Variants in MTCH2 observed in about 807,000 individuals in gnomAD.
MTCH2 encodes mitochondrial carrier 2, also known as mitochondrial carrier homolog 2.
A neutral mutation model predicts 50.6 loss-of-function variants in MTCH2; 25 were observed. The ratio of observed to expected loss-of-function variants is 0.49; its 90% confidence interval spans 0.36 to 0.69. The LOEUF is 0.69. Among genes scored for constraint, MTCH2 ranks in the 30% least tolerant of loss-of-function variants. The pLI is 0.00. For missense variants in MTCH2, 273 were observed against 384.4 expected (o/e 0.71, Z 2.42); for synonymous variants, 106 against 132.0 (o/e 0.80, Z 1.35).
chr11:47,630,455 G>T, intron 8 of MTCH2, 100 bp downstream of exon 8: 2 of 1,064,524 alleles, frequency 1.9e-6, no homozygotes, highest in Non-Finnish European at 1.5e-6. Context: ...AGCCCAGGGA[G>T]TACGTTTTCC....
At chr11:47,622,842 A>G in intron 11 of MTCH2, 66 bp from the exon 12 acceptor site, 3 of 1,114,194 alleles carry the variant, frequency 2.7e-6, no homozygotes, top group Non-Finnish European at 3.9e-6. Flanking sequence ...ACGTTGATAA[A>G]CCTTGTCAAA....
At chr11:47,622,862 T>C in intron 11 of MTCH2, 86 bp from the exon 12 acceptor site, 1 of 865,386 alleles carries the variant, frequency 1.2e-6, no homozygotes, top group Non-Finnish European at 1.8e-6. Flanking sequence ...AATATTCTGC[T>C]GCACAGAAGA....
At position 47,617,982 on chromosome 11, in the gene MTCH2, T is replaced by TA. The variant is rs1350554806; in HGVS notation, c.*850dup. On this transcript the variant is annotated 3_prime_UTR_variant, in exon 13 of 13. Transcript: ENST00000302503. ...TATATATAATTAGAACTGTATGGTGTAATTTAAGCACTGGCAAATACTTGG... is the reference window on the plus strand; with the variant it reads ...TATATATAATTAGAACTGTATGGTGTAAATTTAAGCACTGGCAAATACTTGG... 2.0e-5 allele frequency: 3 copies of TA among 152,228 alleles called. No homozygotes were observed. Among genetic ancestry groups the TA allele is most frequent in the Non-Finnish European group, 2.9e-5 (2 of 68,048 alleles). 9.4% of individuals were successfully genotyped at this position (152,228 alleles called of 1,614,324 possible).
chr11:47,633,522 ATATATTTTTTT>A (rs1236451608), intron 5 of MTCH2, among the ~76,000 whole-genome samples: 179 of 26,518 alleles, frequency 6.8e-3, no homozygotes, highest in African/African-American at 0.017. Flanking sequence ...ATATATATAT[ATATATTTTTTT>A]TTTTTTTTTT....
downstream of MTCH2, among the ~76,000 whole-genome samples, chr11:47,613,985 G>A (rs1292079913): frequency 1.3e-5 from 2 of 152,068 alleles, no homozygotes; most frequent in Admixed American, 6.6e-5. Flanking sequence ...ACTTGGGAGA[G>A]TGAGAAACGA....
chr11:47,616,658 T>G (rs1028366306), downstream of MTCH2, among the ~76,000 whole-genome samples: 1 of 151,724 alleles, frequency 6.6e-6, no homozygotes, highest in Non-Finnish European at 1.5e-5. Context: ...GTTCATTATT[T>G]CTTGCATGTG....
the MTCH2 span, among the ~76,000 whole-genome samples, chr11:47,604,965 C>T: frequency 4.6e-5 from 7 of 151,776 alleles, no homozygotes; most frequent in Non-Finnish European, 8.8e-5. Flanking sequence ...GAGTCTTGCT[C>T]TATCTCCCAG....
At chr11:47,623,483 T>C (rs1422216885) in intron 11 of MTCH2, among the ~76,000 whole-genome samples, 1 of 151,998 alleles carries the variant, frequency 6.6e-6, no homozygotes, top group Non-Finnish European at 1.5e-5. Context: ...ATATATATGT[T>C]CCTACTTAGG....
chr11:47,625,862 G>T, intron 10 of MTCH2, 121 bp from the exon 11 acceptor site: 1 of 666,366 alleles, frequency 1.5e-6, no homozygotes. Context: ...TCGCTTCATC[G>T]GTACCCTGGA....
intron 1 of MTCH2, among the ~76,000 whole-genome samples, chr11:47,641,939 TC>T (rs2097314551): frequency 6.6e-6 from 1 of 152,188 alleles, no homozygotes; most frequent in Non-Finnish European, 1.5e-5. Context: ...AAATGTTGGT[TC>T]CCACCTAACT....
At chr11:47,621,312 C>G (rs561719222) in intron 12 of MTCH2, among the ~76,000 whole-genome samples, 1 of 152,152 alleles carries the variant, frequency 6.6e-6, no homozygotes, top group Non-Finnish European at 1.5e-5. Context: ...CTTCTTTATA[C>G]GCTTTCTTCT....
intron 12 of MTCH2, among the ~76,000 whole-genome samples, chr11:47,622,494 G>A (rs1297159999): frequency 3.3e-5 from 5 of 152,112 alleles, no homozygotes; most frequent in Non-Finnish European, 7.3e-5. Context: ...CATTACTCCT[G>A]CTCATGATTT....
intron 4 of MTCH2, 37 bp from the exon 5 acceptor site, chr11:47,634,771 T>TC (rs2097306957): frequency 1.2e-6 from 1 of 849,118 alleles, no homozygotes; most frequent in Admixed American, 3.7e-5. Flanking sequence ...AGATCTTGAT[T>TC]TTTTTTTTTT....
chr11:47,634,104 C>G (rs910162448), intron 5 of MTCH2, among the ~76,000 whole-genome samples: 1 of 152,138 alleles, frequency 6.6e-6, no homozygotes, highest in African/African-American at 2.4e-5. Context: ...AAGACAAGGT[C>G]TTGCTCTATC....
chr11:47,636,565 C>T (rs2153800701), intron 3 of MTCH2, among the ~76,000 whole-genome samples: 1 of 151,962 alleles, frequency 6.6e-6, no homozygotes, highest in African/African-American at 2.4e-5. Flanking sequence ...AACCCCCTCT[C>T]TACTAAAAAT....
intron 5 of MTCH2, among the ~76,000 whole-genome samples, chr11:47,633,857 T>C (rs1261388672): frequency 6.6e-6 from 1 of 151,960 alleles, no homozygotes; most frequent in Non-Finnish European, 1.5e-5. Context: ...GTATTTTGGA[T>C]GGCTGCATTT....
At chr11:47,635,613 G>C (rs1447973925) in intron 3 of MTCH2, 42 bp from the exon 4 acceptor site, 1 of 1,566,690 alleles carries the variant, frequency 6.4e-7, no homozygotes, top group South Asian at 1.1e-5. Flanking sequence ...TTATTACAGT[G>C]TCATGTGAAA....
At chr11:47,641,748 C>A (rs1031733430) in intron 1 of MTCH2, among the ~76,000 whole-genome samples, 3 of 152,150 alleles carry the variant, frequency 2.0e-5, no homozygotes, top group African/African-American at 7.2e-5. Flanking sequence ...TTGTCAGGAG[C>A]CACATGGGCC....
Position 47,617,520 on chromosome 11 carries a change from C to T in MTCH2, c.*1313G>A, listed in dbSNP as rs2097289253. On this transcript the variant is annotated 3_prime_UTR_variant, in exon 13 of 13. Transcript: ENST00000302503. ...CCTAAACCCCAGGGGAGGGAAGAGA[C>T]CCCTGCATTCTCGTTCTGTCTAATA... 6.6e-6 allele frequency: 1 copy of T among 152,566 alleles called. No homozygotes were observed. Among genetic ancestry groups the T allele is most frequent in the Non-Finnish European group, 1.5e-5 (1 of 68,040 alleles). The allele number at this position is 152,566 out of a possible 1,614,324, so 9.5% of individuals were successfully genotyped here. A position where few individuals can be genotyped will look rare whatever the true frequency, so the allele number is the denominator to read the frequency against.
Sources: allele counts gnomAD v4.1 joint callset (sites outside exome capture counted in the v4.1 genomes callset), GRCh38; gene constraint gnomAD v4.1.1; transcripts MANE v1.5; gene names NCBI Gene and HGNC (gene_info 2026-07-23, HGNC 2026-07-21).